Variants in NBAS observed in about 807,000 individuals in gnomAD.
The protein encoded by NBAS is NBAS subunit of NRZ tethering complex, also known as NAG/BC035112 fusion.
A neutral mutation model predicts 302.5 loss-of-function variants in NBAS; 219 were observed. That is an observed-to-expected ratio of 0.72 (90% CI 0.65 to 0.81). The LOEUF (loss-of-function observed/expected upper bound fraction) is 0.81. Among genes scored for constraint, NBAS ranks in the 30% least tolerant of loss-of-function variants. NBAS has a pLI of 0.00. For synonymous variants in NBAS, 1,118 were observed against 1,021.6 expected (o/e 1.09, Z -1.80); for missense variants, 2,932 against 2,841.6 (o/e 1.03, Z -0.72).
the NBAS span, among the ~76,000 whole-genome samples, chr2:14,944,317 A>C: frequency 9.5e-6 from 1 of 105,430 alleles, no homozygotes; most frequent in Non-Finnish European, 2.1e-5. Context: ...ACAAAAAACA[A>C]AAAAACAAAA....
chr2:14,863,357 G>A, the NBAS span, among the ~76,000 whole-genome samples: 1 of 152,182 alleles, frequency 6.6e-6, no homozygotes, highest in Admixed American at 6.6e-5. Flanking sequence ...AGCTTTATAG[G>A]ACTTGGGTAG....
Position 15,402,213 on chromosome 2 carries a change from C to G in NBAS, c.3026G>C (p.Cys1009Ser), listed in dbSNP as rs74411619. Residue 1009 changes from cysteine to serine, a missense_variant, in exon 26 of 52, where the codon TGT becomes TCT. Coordinates refer to ENST00000281513, the MANE Select transcript of NBAS (RefSeq NM_015909.4). ...IYTCERNDQL[C>S]LCYDLLECLP... ...ACATTCTAGTAGGTCATAGCAAAGA[C>G]AGAGTTGATCATTTCGTTCACAGGT... 11,724 of 1,613,578 alleles carry G rather than the reference C, an allele frequency of 7.3e-3. 271 individuals carry two copies. Among genetic ancestry groups the G allele is most frequent in the African/African-American group, 0.052 (3,927 of 74,994 alleles).
the NBAS span, among the ~76,000 whole-genome samples, chr2:15,062,654 T>G: frequency 6.6e-6 from 1 of 151,564 alleles, no homozygotes; most frequent in African/African-American, 2.4e-5. Flanking sequence ...GTTTCAAACT[T>G]TTTTAGGATT....
the NBAS span, among the ~76,000 whole-genome samples, chr2:15,129,935 C>T: frequency 2.0e-5 from 3 of 152,204 alleles, no homozygotes; most frequent in Non-Finnish European, 4.4e-5. Flanking sequence ...TGTTAAAATA[C>T]ACATAACGTA....
chr2:15,550,922 T>G (rs957573367), intron 6 of NBAS, among the ~76,000 whole-genome samples: 1 of 152,160 alleles, frequency 6.6e-6, no homozygotes, highest in Non-Finnish European at 1.5e-5. Context: ...AAAGTCATTT[T>G]TCTTTCTCAG....
the NBAS span, among the ~76,000 whole-genome samples, chr2:14,865,262 A>G: frequency 6.6e-6 from 1 of 151,968 alleles, no homozygotes; most frequent in Admixed American, 6.6e-5. Context: ...TAAAATTATA[A>G]ACCTTTGTAT....
the NBAS span, among the ~76,000 whole-genome samples, chr2:14,849,346 T>C: frequency 6.6e-6 from 1 of 151,002 alleles, no homozygotes; most frequent in South Asian, 2.1e-4. Flanking sequence ...GAAGATGAAA[T>C]GAATGAAATG....
the NBAS span, among the ~76,000 whole-genome samples, chr2:15,079,561 T>C: frequency 6.6e-6 from 1 of 152,158 alleles, no homozygotes; most frequent in Non-Finnish European, 1.5e-5. Context: ...CCTCTTGCCA[T>C]CACCCCTGCT....
intron 40 of NBAS, among the ~76,000 whole-genome samples, chr2:15,302,436 T>C (rs1670845017): frequency 6.6e-6 from 1 of 152,070 alleles, no homozygotes; most frequent in Non-Finnish European, 1.5e-5. Flanking sequence ...TGTACTGTAC[T>C]GGCTTCTGTT....
At chr2:14,977,847 C>T in the NBAS span, among the ~76,000 whole-genome samples, 1 of 152,096 alleles carries the variant, frequency 6.6e-6, no homozygotes, top group African/African-American at 2.4e-5. Flanking sequence ...GGCCTTACTC[C>T]AATTCTTCAA....
Position 15,330,611 on chromosome 2 carries a change from A to C in NBAS, c.4334T>G (p.Leu1445Arg), listed in dbSNP as rs1459258021. The C allele has an allele frequency of 6.2e-7, 1 of 1,613,798 alleles. No homozygotes were observed. The highest frequency in any genetic ancestry group is 8.5e-7 in the Non-Finnish European group (1 of 1,179,856). Residue 1445 changes from leucine to arginine, a missense_variant, in exon 36 of 52, where the codon CTT (leucine) becomes CGT (arginine). Coordinates refer to ENST00000281513, the MANE Select transcript of NBAS (RefSeq NM_015909.4). ...TGCACTGCTTACCTGAAGGGGTCGA[A>C]GGTAAGTTAAAGACTTCTTCCACCA... is the stretch of plus-strand genomic sequence containing the variant. ...GQWWKKSLTY[L>R]RPLQGQKCGG... is the part of the protein sequence containing the mutation.
chr2:15,244,609 G>A (rs1011146859), intron 44 of NBAS, among the ~76,000 whole-genome samples: 3 of 152,096 alleles, frequency 2.0e-5, no homozygotes, highest in Admixed American at 6.6e-5. Context: ...GTTGGGTGTC[G>A]GGGTGGGTGT....
At chr2:14,833,161 C>T in the NBAS span, among the ~76,000 whole-genome samples, 1 of 152,118 alleles carries the variant, frequency 6.6e-6, no homozygotes, top group Non-Finnish European at 1.5e-5. Flanking sequence ...AACACAATAA[C>T]CCTCCACATT....
At chr2:15,168,072 T>C (rs936787631) in intron 51 of NBAS, among the ~76,000 whole-genome samples, 4 of 152,220 alleles carry the variant, frequency 2.6e-5, no homozygotes, top group Non-Finnish European at 5.9e-5. Context: ...TCTAAATATA[T>C]GTATTATTTT....
the NBAS span, among the ~76,000 whole-genome samples, chr2:15,123,703 C>A: frequency 1.3e-5 from 2 of 152,186 alleles, no homozygotes; most frequent in African/African-American, 4.8e-5. Context: ...TTGCCTTCTA[C>A]TATAATTGCA....
the NBAS span, among the ~76,000 whole-genome samples, chr2:14,970,422 C>G: frequency 2.0e-5 from 3 of 152,154 alleles, no homozygotes; most frequent in Non-Finnish European, 4.4e-5. Flanking sequence ...CAAGTAAAAT[C>G]ATCTGTCTTC....
chr2:14,941,787 C>T, the NBAS span, among the ~76,000 whole-genome samples: 1 of 152,318 alleles, frequency 6.6e-6, no homozygotes, highest in South Asian at 2.1e-4. Context: ...TATCAGACTG[C>T]GGATTTAGCA....
chr2:15,098,304 T>TCATATATGATATATAC, the NBAS span, among the ~76,000 whole-genome samples: 2 of 18,032 alleles, frequency 1.1e-4, no homozygotes, highest in African/African-American at 5.4e-4. Flanking sequence ...ATACAATATA[T>TCATATATGATATATAC]AATATATTGT....
At chr2:15,475,915 C>T (rs775210693) in intron 13 of NBAS, 35 bp from the exon 14 acceptor site, 1 of 1,503,628 alleles carries the variant, frequency 6.7e-7, no homozygotes, top group Non-Finnish European at 9.2e-7. Context: ...ACAAATGCAT[C>T]TGCTAATGTG....
Sources: allele counts gnomAD v4.1 joint callset (sites outside exome capture counted in the v4.1 genomes callset), GRCh38; gene constraint gnomAD v4.1.1; transcripts MANE v1.5; gene names NCBI Gene and HGNC (gene_info 2026-07-23, HGNC 2026-07-21).